UGT1A6: variants seen among roughly 807,000 people sequenced by gnomAD.
UGT1A6 encodes the protein UDP-glucuronosyltransferase 1A6.
In UGT1A6, 32 loss-of-function variants were observed where a neutral mutation model predicts 44.4. That is an observed-to-expected ratio of 0.72 (90% CI 0.54 to 0.97). The LOEUF (loss-of-function observed/expected upper bound fraction) is 0.97, where lower values mean the gene tolerates loss of function less well. Ranked by LOEUF, UGT1A6 falls within the 50% of genes least tolerant of loss-of-function variation. UGT1A6 has a pLI of 0.00. For synonymous variants in UGT1A6, 238 were observed against 248.5 expected (o/e 0.96, Z 0.40); for missense variants, 685 against 661.9 (o/e 1.03, Z -0.38).
chr2:233,772,721 A>G lies in UGT1A6; in HGVS notation c.*162A>G, dbSNP rs1307369412. On this transcript the variant is annotated 3_prime_UTR_variant, in exon 5 of 5. Coordinates refer to ENST00000305139, the MANE Select transcript of UGT1A6 (RefSeq NM_001072.4). ...TAAAAAATTCTCTTAAATAAAAATA[A>G]TAGACTCGCTAGTCAGTAAAGATAT... 4.1e-6 allele frequency: 6 copies of G among 1,458,094 alleles called. No individual in the cohort carries two copies. Among genetic ancestry groups the G allele is most frequent in the Non-Finnish European group, 5.4e-6 (6 of 1,108,844 alleles). The allele number at this position is 1,458,094 out of a possible 1,614,324, so 90.3% of individuals were successfully genotyped here.
intron 1 of UGT1A6, chr2:233,755,125 C>T (rs1380878187): frequency 3.0e-6 from 4 of 1,325,936 alleles, no homozygotes; most frequent in Non-Finnish European, 4.1e-6. Flanking sequence ...GCCTCAGCCA[C>T]CTGCTTGAAT....
intron 1 of UGT1A6, chr2:233,738,921 G>A (rs1476491765): frequency 6.6e-6 from 1 of 152,268 alleles, no homozygotes; most frequent in Non-Finnish European, 1.5e-5. Flanking sequence ...CAGGCCTGGA[G>A]GCCTAGGAAG....
chr2:233,699,996 C>G (rs1237740958), intron 1 of UGT1A6, among the ~76,000 whole-genome samples: 1 of 152,194 alleles, frequency 6.6e-6, no homozygotes, highest in African/African-American at 2.4e-5. Flanking sequence ...ATTACTCTGG[C>G]TCAAAATGTC....
chr2:233,718,699 T>C (rs1301211854), intron 1 of UGT1A6: 6 of 1,598,044 alleles, frequency 3.8e-6, no homozygotes, highest in South Asian at 1.1e-5. Context: ...GGAGGGCACT[T>C]TGTCTTCCAA....
intron 1 of UGT1A6, chr2:233,719,423 T>C (rs1466755508): frequency 3.7e-6 from 6 of 1,613,856 alleles, no homozygotes; most frequent in Non-Finnish European, 2.5e-6. Context: ...TAACGACCAA[T>C]TCAGACCACA....
rs540404664 is a variant in UGT1A6 at position 233,696,296 on chromosome 2, G to A, written c.861+2431G>A. ...AAAGAAAACGTAGGACTGTAATATC[G>A]TGAAATATATATTTGGTCTTCATCC... On this transcript the variant is annotated intron_variant, in intron 1 of 4. Coordinates refer to ENST00000305139, the MANE Select transcript of UGT1A6 (RefSeq NM_001072.4). Among the ~76,000 whole-genome samples, 28 of 152,242 alleles carry A rather than the reference G, an allele frequency of 1.8e-4. No individual in the cohort carries two copies. The East Asian group carries it at 4.8e-3, about 26-fold the overall frequency.
chr2:233,698,902 C>A (rs1021221602), intron 1 of UGT1A6, among the ~76,000 whole-genome samples: 2 of 152,214 alleles, frequency 1.3e-5, no homozygotes, highest in Non-Finnish European at 2.9e-5. Flanking sequence ...GCCTCCTCTG[C>A]CCAAGGAGGG....
At chr2:233,698,746 T>C (rs1160364349) in intron 1 of UGT1A6, among the ~76,000 whole-genome samples, 1 of 152,368 alleles carries the variant, frequency 6.6e-6, no homozygotes, top group Non-Finnish European at 1.5e-5. Context: ...ATTTTTTACA[T>C]AATGCTATGA....
intron 1 of UGT1A6, among the ~76,000 whole-genome samples, chr2:233,737,818 G>C (rs554188879): frequency 2.0e-5 from 3 of 152,134 alleles, no homozygotes; most frequent in South Asian, 2.1e-4. Flanking sequence ...CAGTGGAGCA[G>C]AACAAATTGG....
At chr2:233,756,457 C>A (rs1258626961) in intron 1 of UGT1A6, 1 of 151,910 alleles carries the variant, frequency 6.6e-6, no homozygotes, top group Non-Finnish European at 1.5e-5. Context: ...CAAATATTTT[C>A]AATCTGCTGT....
At position 233,747,852 on chromosome 2, in the gene UGT1A6, A is replaced by G. The variant is rs1025681492; in HGVS notation, c.862-19182A>G. The G allele has an allele frequency of 1.3e-5, 21 of 1,613,396 alleles. 1 individual carries two copies. The African/African-American group carries it at 1.9e-4, about 14-fold the overall frequency. On this transcript the variant is annotated intron_variant, in intron 1 of 4. Coordinates refer to ENST00000305139, the MANE Select transcript of UGT1A6 (RefSeq NM_001072.4). ...GACATTCCTGCAAAGGGTCAAGAAC[A>G]TGCTCTACCCTCTGGCCCTGTCCTA...
At chr2:233,725,719 T>C (rs1457326053) in intron 1 of UGT1A6, among the ~76,000 whole-genome samples, 1 of 152,208 alleles carries the variant, frequency 6.6e-6, no homozygotes, top group Non-Finnish European at 1.5e-5. Context: ...TACCATATGG[T>C]CAATGTTTAC....
intron 1 of UGT1A6, chr2:233,752,209 A>G (rs544905621): frequency 1.3e-5 from 2 of 152,350 alleles, no homozygotes; most frequent in East Asian, 3.9e-4. Context: ...AACTCCAGCC[A>G]GAAAAAATAT....
At chr2:233,692,541 G>C (rs2075101526), upstream of UGT1A6, among the ~76,000 whole-genome samples, 1 of 152,154 alleles carries the variant, frequency 6.6e-6, no homozygotes, top group African/African-American at 2.4e-5. Context: ...ATTCAGTTCA[G>C]AATGGAATTG....
At chr2:233,718,777 C>T (rs1347368179) in intron 1 of UGT1A6, 10 of 1,612,914 alleles carry the variant, frequency 6.2e-6, no homozygotes, top group Non-Finnish European at 8.5e-6. Context: ...ATGTAGCAGG[C>T]ACAGCGTGGG....
chr2:233,745,864 C>G (rs1478966611), intron 1 of UGT1A6, among the ~76,000 whole-genome samples: 1 of 151,232 alleles, frequency 6.6e-6, no homozygotes, highest in Non-Finnish European at 1.5e-5. Flanking sequence ...AGCTGCTGAC[C>G]AAGGTTCCAG....
intron 1 of UGT1A6, among the ~76,000 whole-genome samples, chr2:233,733,410 G>A (rs1464180881): frequency 6.6e-6 from 1 of 152,160 alleles, no homozygotes; most frequent in Non-Finnish European, 1.5e-5. Flanking sequence ...AATGCTTCCA[G>A]TTTTCGCCTA....
At chr2:233,734,724 C>T (rs548738202) in intron 1 of UGT1A6, among the ~76,000 whole-genome samples, 2 of 150,850 alleles carry the variant, frequency 1.3e-5, no homozygotes, top group East Asian at 4.1e-4. Flanking sequence ...TCTTTGTTCT[C>T]GTCGGTTTCA....
chr2:233,698,978 A>T (rs1168446883), intron 1 of UGT1A6, among the ~76,000 whole-genome samples: 1 of 152,192 alleles, frequency 6.6e-6, no homozygotes, highest in Non-Finnish European at 1.5e-5. Flanking sequence ...CCCTTTGGCC[A>T]CCCAGGTGGT....
Sources: allele counts gnomAD v4.1 joint callset (sites outside exome capture counted in the v4.1 genomes callset), GRCh38; gene constraint gnomAD v4.1.1; transcripts MANE v1.5; gene names NCBI Gene and HGNC (gene_info 2026-07-23, HGNC 2026-07-21).